Variants in ZFHX4 observed in about 807,000 individuals in gnomAD.
ZFHX4 encodes zinc finger homeobox protein 4.
A neutral mutation model predicts 267.6 loss-of-function variants in ZFHX4; 56 were observed. The observed-to-expected ratio is 0.21, with a 90% CI of 0.17 to 0.26. ZFHX4 has a LOEUF of 0.26. ZFHX4 is among the 10% of genes least tolerant of loss of function. ZFHX4 has a pLI of 1.00. For missense variants in ZFHX4, 4,332 were observed against 4,420.0 expected, an observed-to-expected ratio of 0.98 and a Z score of 0.56; for synonymous variants, 1,778 against 1,665.6, an observed-to-expected ratio of 1.07 and a Z score of -1.64.
chr8:76,843,444 C>T (rs1354834678), intron 6 of ZFHX4, among the ~76,000 whole-genome samples: 4 of 152,148 alleles, frequency 2.6e-5, no homozygotes, highest in Non-Finnish European at 4.4e-5. Context: ...AACAAACCTT[C>T]GTGTCATGAC....
chr8:76,728,220 C>T (rs1382771577), intron 3 of ZFHX4, among the ~76,000 whole-genome samples: 1 of 152,152 alleles, frequency 6.6e-6, no homozygotes, highest in Non-Finnish European at 1.5e-5. Flanking sequence ...AGAAACTTCA[C>T]GAAAGTTCTG....
intron 3 of ZFHX4, among the ~76,000 whole-genome samples, chr8:76,728,777 T>G (rs1242433152): frequency 6.6e-6 from 1 of 152,182 alleles, no homozygotes; most frequent in Non-Finnish European, 1.5e-5. Context: ...TTTATGGAAG[T>G]GATTACCCTG....
Position 76,801,482 on chromosome 8 carries a change from A to G in ZFHX4, c.3325+23043A>G, listed in dbSNP as rs144490440. Among the ~76,000 whole-genome samples, 444 of 152,272 alleles carry G rather than the reference A, an allele frequency of 2.9e-3. 5 individuals carry two copies. The highest frequency in any genetic ancestry group is 9.9e-3 in the African/African-American group (413 of 41,554). On this transcript the variant is annotated intron_variant, in intron 4 of 10. Transcript: ENST00000651372. Reference sequence around the variant, plus strand: ...TAAGTCGTCCACAGAGTAATGCATCATTCAGTTTATGACATCTAATAAAGG... The same window carrying G: ...TAAGTCGTCCACAGAGTAATGCATCGTTCAGTTTATGACATCTAATAAAGG...
chr8:76,769,200 A>C (rs1810193023), intron 3 of ZFHX4, among the ~76,000 whole-genome samples: 1 of 152,204 alleles, frequency 6.6e-6, no homozygotes, highest in Non-Finnish European at 1.5e-5. Context: ...GACTCTGACA[A>C]ATGGATGACA....
rs114448016 is a variant in ZFHX4, at chr8:76,782,794, G to A, written c.3325+4355G>A. ...CTTGAGCGTAAAAACAACCCCCGGC[G>A]AAGGACAGAATATGCCTCTCTCATA... On this transcript the variant is annotated intron_variant, in intron 4 of 10. Transcript: ENST00000651372. 1.1e-4 allele frequency among the ~76,000 whole-genome samples: 16 copies of A among 152,058 alleles called. 1 individual carries two copies. The South Asian group carries it at 1.9e-3, about 18-fold the overall frequency.
At chr8:76,806,993 G>A (rs1811261838) in intron 4 of ZFHX4, among the ~76,000 whole-genome samples, 1 of 152,052 alleles carries the variant, frequency 6.6e-6, no homozygotes, top group Admixed American at 6.6e-5. Flanking sequence ...GATCAGAGAG[G>A]CCTGTGACAG....
Position 76,853,078 on chromosome 8 carries a change from CCTCCT to C in ZFHX4, c.6159_6163del (p.Pro2056ThrfsTer82). The C allele has an allele frequency of 1.5e-6, 1 of 672,238 alleles. No individual in the cohort carries two copies. Among genetic ancestry groups the C allele is most frequent in the Non-Finnish European group, 2.5e-6 (1 of 394,840 alleles). The allele number at this position is 672,238 out of a possible 1,614,324, so 41.6% of individuals were successfully genotyped here. On this transcript the variant is annotated frameshift_variant, in exon 10 of 11. Transcript: ENST00000651372. LOFTEE classifies it high-confidence loss of function. Reference sequence around the variant, plus strand: ...ACCACCACCACCTCCTCCTCCTCCTCCTCCTCCCCCCCCACCTCCTCCACCTTCTG... The same window carrying C: ...ACCACCACCACCTCCTCCTCCTCCTCCCCCCCCCACCTCCTCCACCTTCTG...
At position 76,681,265 on chromosome 8, in the gene ZFHX4, T is replaced by G; in HGVS notation, c.-402T>G. On this transcript the variant is annotated 5_prime_UTR_variant, in exon 1 of 11. Coordinates refer to ENST00000651372, the MANE Select transcript of ZFHX4 (RefSeq NM_024721.5). ...AATAGACACACAAAGACATGCGCAC[T>G]CAACTTAATCAGCCATTTTTTTAAA... is the stretch of plus-strand genomic sequence containing the variant. 2.5e-6 allele frequency: 1 copy of G among 396,940 alleles called. No individual in the cohort carries two copies. The highest frequency in any genetic ancestry group is 3.6e-5 in the East Asian group (1 of 27,936). The allele number at this position is 396,940 out of a possible 1,614,324, so 24.6% of individuals were successfully genotyped here.
At chr8:76,710,400 C>A (rs1422953922) in intron 3 of ZFHX4, among the ~76,000 whole-genome samples, 2 of 152,102 alleles carry the variant, frequency 1.3e-5, no homozygotes, top group African/African-American at 4.8e-5. Context: ...AGGATATTAG[C>A]AAGCTTGGTT....
chr8:76,731,832 T>C (rs1326378230), intron 3 of ZFHX4, among the ~76,000 whole-genome samples: 1 of 149,570 alleles, frequency 6.7e-6, no homozygotes, highest in Non-Finnish European at 1.5e-5. Context: ...ATTTTTACTT[T>C]ATGTGACAGT....
At chr8:76,808,856 A>G (rs1297568649) in intron 4 of ZFHX4, among the ~76,000 whole-genome samples, 1 of 152,014 alleles carries the variant, frequency 6.6e-6, no homozygotes, top group Admixed American at 6.6e-5. Flanking sequence ...GCACTTACCT[A>G]GATGGTTAGA....
chr8:76,849,971 C>G, intron 8 of ZFHX4: 2 of 575,006 alleles, frequency 3.5e-6, no homozygotes, highest in East Asian at 5.8e-5. Flanking sequence ...ATCAAATAAC[C>G]CCAGTGGGCA....
chr8:76,702,284 G>A (rs913846547), intron 1 of ZFHX4, among the ~76,000 whole-genome samples: 1 of 151,794 alleles, frequency 6.6e-6, no homozygotes, highest in Non-Finnish European at 1.5e-5. Context: ...TCATTTTCAG[G>A]GTCCCATCTC....
intron 3 of ZFHX4, among the ~76,000 whole-genome samples, chr8:76,740,195 T>C (rs1484084281): frequency 6.6e-6 from 1 of 152,182 alleles, no homozygotes; most frequent in African/African-American, 2.4e-5. Context: ...AAAATTCTGA[T>C]GGGAGAGATT....
intron 4 of ZFHX4, among the ~76,000 whole-genome samples, chr8:76,787,693 G>C (rs1249456277): frequency 6.7e-6 from 1 of 150,150 alleles, no homozygotes; most frequent in African/African-American, 2.5e-5. Context: ...GGAGCATGTA[G>C]TCCCAGCTAA....
Position 76,704,262 on chromosome 8 carries a change from T to C in ZFHX4, c.174T>C (p.Ser58=), listed in dbSNP as rs1387147930. ...DDNLKTDERK[S]EALLGFSVEN... ...ACCTGAAAACGGATGAGCGCAAAAG[T>C]GAAGCCTTGCTGGGTTTCAGCGTTG... Residue 58 remains serine (S), a synonymous_variant, in exon 2 of 11, where the codon AGT becomes AGC. Transcript: ENST00000651372. 1 of 1,613,900 alleles carries C rather than the reference T, an allele frequency of 6.2e-7. No homozygotes were observed. The highest frequency in any genetic ancestry group is 1.7e-5 in the Admixed American group (1 of 60,010).
chr8:76,681,801 C>T (rs1334486835), intron 1 of ZFHX4, among the ~76,000 whole-genome samples, 181 bp downstream of exon 1: 4 of 152,098 alleles, frequency 2.6e-5, no homozygotes, highest in Non-Finnish European at 5.9e-5. Flanking sequence ...CACATCCCCT[C>T]ATCCCGACCA....
chr8:76,682,812 G>A (rs1807577609), intron 1 of ZFHX4, among the ~76,000 whole-genome samples: 3 of 152,048 alleles, frequency 2.0e-5, no homozygotes, highest in Admixed American at 2.0e-4. Context: ...AGCATCAAGT[G>A]CGCCTTCTGG....
chr8:76,840,819 A>G (rs536380484), intron 5 of ZFHX4, among the ~76,000 whole-genome samples: 3 of 152,300 alleles, frequency 2.0e-5, no homozygotes, highest in African/African-American at 4.8e-5. Flanking sequence ...TGGGAGGGAC[A>G]CAGCCCAATC....
Sources: gnomAD v4.1 joint callset for allele counts (sites outside exome capture counted in the v4.1 genomes callset) on GRCh38, gnomAD v4.1.1 for gene constraint, MANE v1.5 for transcripts, NCBI Gene and HGNC (gene_info 2026-07-23, HGNC 2026-07-21) for gene names.